The following RCAN1 variants were observed in gnomAD, a reference collection of about 807,000 sequenced individuals.
RCAN1 encodes the protein regulator of calcineurin 1, also known as calcipressin-1.
Under a neutral mutation model 22.9 loss-of-function variants are expected in RCAN1, and 11 were observed. The ratio of observed to expected loss-of-function variants is 0.48; its 90% CI spans 0.30 to 0.79. The LOEUF (loss-of-function observed/expected upper bound fraction) is 0.79, where lower values mean the gene tolerates loss of function less well. Among genes scored for constraint, RCAN1 ranks in the 30% least tolerant of loss-of-function variants. RCAN1 has a pLI of 0.06. For synonymous variants in RCAN1, 136 were observed against 142.3 expected (o/e 0.96, Z 0.32); for missense variants, 291 against 337.8 (o/e 0.86, Z 1.09).
chr21:34,523,942 C>T lies in RCAN1; in HGVS notation c.253-232G>A, dbSNP rs150734671. On this transcript the variant is annotated intron_variant, in intron 1 of 3. Transcript: ENST00000313806. ...GGGTTACAGGTGCCTGCCAGCACAC[C>T]TGGCTAATTTTTGTATTTTTAGTAG... The T allele has an allele frequency of 1.7e-3, 581 of 349,134 alleles. 10 individuals carry two copies. Among genetic ancestry groups the T allele is most frequent in the African/African-American group, 0.011 (521 of 46,798 alleles). 21.6% of individuals were successfully genotyped at this position (349,134 alleles called of 1,614,324 possible). A position where few individuals can be genotyped will look rare whatever the true frequency, so the allele number is the denominator to read the frequency against.
Position 34,614,481 on chromosome 21 carries a change from C to A in RCAN1, c.252+279G>T, listed in dbSNP as rs1988763548. 9.8e-7 allele frequency: 1 copy of A among 1,015,388 alleles called. No individual in the cohort carries two copies. Among genetic ancestry groups the A allele is most frequent in the East Asian group, 9.5e-5 (1 of 10,556 alleles). The allele number at this position is 1,015,388 out of a possible 1,614,324, so 62.9% of individuals were successfully genotyped here. ...TGCCCCACCTTGGGGAGCGAATTCA[C>A]CCCCCTAGTCGCACCAGCCTGGGCG... On this transcript the variant is annotated intron_variant, in intron 1 of 3. Transcript: ENST00000313806. The surrounding 1 kb of genome is among the most constrained non-coding windows in gnomAD (Gnocchi z 6.0).
At chr21:34,584,465 C>T (rs938361559) in intron 1 of RCAN1, among the ~76,000 whole-genome samples, 4 of 152,174 alleles carry the variant, frequency 2.6e-5, no homozygotes, top group African/African-American at 9.7e-5. Context: ...AATGATAGTT[C>T]GTTCTTGTGA....
chr21:34,521,765 G>T, intron 2 of RCAN1, 107 bp from the exon 3 acceptor site: 1 of 890,016 alleles, frequency 1.1e-6, no homozygotes, highest in Non-Finnish European at 1.7e-6. Context: ...ATGTCCAGGC[G>T]TCAGGACAGG....
intron 3 of RCAN1, chr21:34,521,201 C>T: frequency 7.2e-7 from 1 of 1,382,356 alleles, no homozygotes; most frequent in Non-Finnish European, 9.3e-7. Flanking sequence ...GCTCAGGCCT[C>T]CCACGCAGGC....
chr21:34,525,109 G>T, intron 1 of RCAN1: 3 of 1,550,550 alleles, frequency 1.9e-6, no homozygotes, highest in Non-Finnish European at 2.6e-6. Flanking sequence ...TATGGAAGGC[G>T]CAGTGTCTCT....
At position 34,531,599 on chromosome 21, in the gene RCAN1, G is replaced by A. The variant is rs8127623; in HGVS notation, c.253-7889C>T. 2.9e-3 allele frequency among the ~76,000 whole-genome samples: 438 copies of A among 152,264 alleles called. 5 individuals carry two copies. The highest frequency in any genetic ancestry group is 9.7e-3 in the African/African-American group (403 of 41,544). ...AAAATCCCTGATGCTGACCAAGCTCGGTCACGTTCCTCTCCCGCTGTATAA... is the reference window on the plus strand; with the variant it reads ...AAAATCCCTGATGCTGACCAAGCTCAGTCACGTTCCTCTCCCGCTGTATAA... On this transcript the variant is annotated intron_variant, in intron 1 of 3. Transcript: ENST00000313806.
chr21:34,550,821 T>C (rs951755386), intron 1 of RCAN1, among the ~76,000 whole-genome samples: 2 of 152,090 alleles, frequency 1.3e-5, no homozygotes, highest in African/African-American at 4.8e-5. Context: ...TGAAAGAAAA[T>C]GATGAGACAG....
At chr21:34,611,450 A>T (rs1330433914) in intron 1 of RCAN1, among the ~76,000 whole-genome samples, 1 of 152,266 alleles carries the variant, frequency 6.6e-6, no homozygotes, top group East Asian at 1.9e-4. Context: ...CCAAGCAATT[A>T]TAGTTACAAA....
At chr21:34,548,954 G>C (rs1222148223) in intron 1 of RCAN1, among the ~76,000 whole-genome samples, 1 of 152,166 alleles carries the variant, frequency 6.6e-6, no homozygotes, top group Admixed American at 6.5e-5. Flanking sequence ...TTTTGTGTAG[G>C]TTTGATGATT....
At chr21:34,591,070 A>G (rs1441483628) in intron 1 of RCAN1, among the ~76,000 whole-genome samples, 1 of 152,204 alleles carries the variant, frequency 6.6e-6, no homozygotes, top group African/African-American at 2.4e-5. Flanking sequence ...TTCCTCGTGG[A>G]GGGCATGGAA....
intron 1 of RCAN1, among the ~76,000 whole-genome samples, chr21:34,530,925 A>G (rs1365291797): frequency 2.6e-5 from 4 of 152,202 alleles, no homozygotes; most frequent in Non-Finnish European, 5.9e-5. Context: ...ATGTGTAACC[A>G]TTCCCTATAG....
Position 34,523,519 on chromosome 21 carries a change from G to A in RCAN1, c.426+18C>T. On this transcript the variant is annotated intron_variant, in intron 2 of 3. Coordinates refer to ENST00000313806, the MANE Select transcript of RCAN1 (RefSeq NM_004414.7). Reference sequence around the variant, plus strand: ...GAGGGAGGAGGGAGAAGCATGCATAGCAATGAACCCAACTCACCTGAGCAA... The same window carrying A: ...GAGGGAGGAGGGAGAAGCATGCATAACAATGAACCCAACTCACCTGAGCAA... 1.2e-6 allele frequency: 2 copies of A among 1,612,680 alleles called. No homozygotes were observed. Among genetic ancestry groups the A allele is most frequent in the South Asian group, 2.2e-5 (2 of 90,910 alleles).
At chr21:34,531,615 C>T (rs1216891068) in intron 1 of RCAN1, among the ~76,000 whole-genome samples, 1 of 152,208 alleles carries the variant, frequency 6.6e-6, no homozygotes, top group East Asian at 1.9e-4. Flanking sequence ...GTTCCTCTCC[C>T]GCTGTATAAG....
chr21:34,531,430 G>A, intron 1 of RCAN1, among the ~76,000 whole-genome samples: 1 of 152,168 alleles, frequency 6.6e-6, no homozygotes. Context: ...CAGGTCCACA[G>A]AAAGTCCTGT....
chr21:34,589,128 C>G (rs1239001535), intron 1 of RCAN1, among the ~76,000 whole-genome samples: 1 of 152,094 alleles, frequency 6.6e-6, no homozygotes, highest in Non-Finnish European at 1.5e-5. Context: ...TACCTCTGAA[C>G]TGTACATGTA....
At chr21:34,610,092 A>T (rs1988642926) in intron 1 of RCAN1, among the ~76,000 whole-genome samples, 1 of 152,174 alleles carries the variant, frequency 6.6e-6, no homozygotes, top group Non-Finnish European at 1.5e-5. Context: ...AGTGCAATAG[A>T]ACCCAACTGT....
chr21:34,521,135 C>T, intron 3 of RCAN1: 4 of 1,259,660 alleles, frequency 3.2e-6, no homozygotes, highest in South Asian at 3.3e-5. Context: ...ATCGATTTTC[C>T]CTTTCCAAAG....
At chr21:34,601,563 A>T (rs1988342744) in intron 1 of RCAN1, among the ~76,000 whole-genome samples, 1 of 152,222 alleles carries the variant, frequency 6.6e-6, no homozygotes, top group African/African-American at 2.4e-5. Context: ...TCACACCTGT[A>T]ATCCCAGCAC....
intron 1 of RCAN1, chr21:34,613,919 A>G: frequency 1.6e-6 from 2 of 1,286,412 alleles, no homozygotes; most frequent in Non-Finnish European, 2.1e-6. Flanking sequence ...CTAATGGGGC[A>G]TCTCTCAAAG....
Sources: allele counts gnomAD v4.1 joint callset (sites outside exome capture counted in the v4.1 genomes callset), GRCh38; gene constraint gnomAD v4.1.1; non-coding constraint Gnocchi (gnomAD v3.1); transcripts MANE v1.5; gene names NCBI Gene and HGNC (gene_info 2026-07-23, HGNC 2026-07-21).